The following PCDH15 variants were observed in gnomAD, a reference collection of about 807,000 sequenced individuals.
PCDH15 encodes the protein protocadherin-15.
A neutral mutation model predicts 178.5 loss-of-function variants in PCDH15; 129 were observed. That is an observed-to-expected ratio of 0.72 (90% CI 0.63 to 0.84). The LOEUF is 0.84. Ranked by LOEUF, PCDH15 falls within the 40% of genes least tolerant of loss-of-function variation. The probability of loss-of-function intolerance (pLI) is 0.00; values close to 1 mark genes in which losing one functional copy is unlikely to be tolerated. For synonymous variants in PCDH15, 800 were observed against 732.0 expected, an observed-to-expected ratio of 1.09 and a Z score of -1.50; for missense variants, 2,230 against 2,099.9, an observed-to-expected ratio of 1.06 and a Z score of -1.21.
At chr10:54,782,452 C>CAGATGTGT (rs1950461782) in intron 1 of PCDH15, among the ~76,000 whole-genome samples, 5 of 152,122 alleles carry the variant, frequency 3.3e-5, no homozygotes, top group African/African-American at 1.2e-4. Context: ...GAGTATTGCT[C>CAGATGTGT]CAATTTTATG....
intron 2 of PCDH15, among the ~76,000 whole-genome samples, chr10:55,579,133 T>C (rs560646615): frequency 8.5e-5 from 13 of 152,308 alleles, no homozygotes; most frequent in African/African-American, 2.6e-4. Context: ...ATTTTTTATA[T>C]AGCATATGTG....
At chr10:55,265,834 A>G (rs935950133) in intron 1 of PCDH15, among the ~76,000 whole-genome samples, 2 of 152,134 alleles carry the variant, frequency 1.3e-5, no homozygotes, top group Non-Finnish European at 1.5e-5. Context: ...CCCTCATATC[A>G]GGAGGAAGTT....
rs117260557 is a variant in PCDH15, at chr10:55,163,196, T to C, written c.-80+3380A>G. 2.3e-3 allele frequency among the ~76,000 whole-genome samples: 354 copies of C among 152,230 alleles called. 4 individuals carry two copies. The East Asian group carries it at 0.047, about 20-fold the overall frequency. On this transcript the variant is annotated intron_variant, in intron 2 of 5. Transcript: ENST00000458638. ...GCTGATCTGAGTAGTAATAAAACTT[T>C]AGTCTCTCGTTTAGCCAGCTCTACA... is the stretch of plus-strand genomic sequence containing the variant.
At position 55,313,833 on chromosome 10, in the gene PCDH15, T is replaced by C. The variant is rs140900857; in HGVS notation, c.-156+5766A>G. ...ATTATGTTGAAAAACATGTTACATA[T>C]ATTGTGAGTAAAACAAAATGTGTAT... On this transcript the variant is annotated intron_variant, in intron 1 of 5. Transcript: ENST00000458638. Among the ~76,000 whole-genome samples, 1,076 of 152,244 alleles carry C rather than the reference T, an allele frequency of 7.1e-3. 11 individuals are homozygous for C. The highest frequency in any genetic ancestry group is 0.045 in the Middle Eastern group (13 of 292).
intron 2 of PCDH15, among the ~76,000 whole-genome samples, chr10:55,519,469 G>A (rs1841104509): frequency 6.6e-6 from 1 of 151,988 alleles, no homozygotes; most frequent in African/African-American, 2.4e-5. Flanking sequence ...CACGACCCCT[G>A]TGGTGATGGA....
At chr10:53,813,972 A>G (rs1210499994) in intron 35 of PCDH15, among the ~76,000 whole-genome samples, 1 of 152,138 alleles carries the variant, frequency 6.6e-6, no homozygotes, top group African/African-American at 2.4e-5. Flanking sequence ...CAACAAAAAT[A>G]TATTTATTAT....
At chr10:54,816,955 A>G (rs948912558) in intron 3 of PCDH15, among the ~76,000 whole-genome samples, 20 of 152,138 alleles carry the variant, frequency 1.3e-4, no homozygotes, top group South Asian at 6.2e-4. Flanking sequence ...TTATCTTAAG[A>G]AAGATAAGTG....
chr10:54,058,686 C>G (rs1036439091), intron 18 of PCDH15, among the ~76,000 whole-genome samples: 3 of 90,380 alleles, frequency 3.3e-5, no homozygotes, highest in Non-Finnish European at 6.6e-5. Flanking sequence ...ATATTTCTTT[C>G]TTTCTTTCTT....
chr10:55,413,618 C>T (rs11597324), intron 2 of PCDH15, among the ~76,000 whole-genome samples: 159 of 151,392 alleles, frequency 1.1e-3, no homozygotes, highest in Non-Finnish European at 1.8e-3. Context: ...TTCAAATAAA[C>T]GATACATTTT....
intron 9 of PCDH15, among the ~76,000 whole-genome samples, chr10:54,221,366 G>GA (rs1564716957): frequency 6.6e-6 from 1 of 151,930 alleles, no homozygotes; most frequent in Non-Finnish European, 1.5e-5. Context: ...GTAGGATAAA[G>GA]AAAAAATGCT....
At chr10:55,255,567 C>A (rs1215460833) in intron 1 of PCDH15, among the ~76,000 whole-genome samples, 17 of 152,244 alleles carry the variant, frequency 1.1e-4, no homozygotes, top group South Asian at 4.1e-4. Flanking sequence ...ACACTCCCAC[C>A]AACAGTGTAA....
intron 1 of PCDH15, among the ~76,000 whole-genome samples, chr10:54,787,515 T>A (rs1481288074): frequency 6.6e-6 from 1 of 151,990 alleles, no homozygotes; most frequent in South Asian, 2.1e-4. Context: ...CTTCAGTTAC[T>A]CTTAAGTATT....
At chr10:55,544,738 AT>A (rs1445886149) in intron 2 of PCDH15, among the ~76,000 whole-genome samples, 1 of 152,096 alleles carries the variant, frequency 6.6e-6, no homozygotes, top group Non-Finnish European at 1.5e-5. Context: ...AATCTGGTGT[AT>A]TTTTTGTCAT....
At chr10:53,921,695 G>A (rs981361602) in intron 25 of PCDH15, among the ~76,000 whole-genome samples, 1 of 152,138 alleles carries the variant, frequency 6.6e-6, no homozygotes, top group African/African-American at 2.4e-5. Context: ...GATTGCTGAA[G>A]CCTCTCCATG....
At position 55,242,996 on chromosome 10, in the gene PCDH15, A is replaced by AT. The variant is rs1841593219; in HGVS notation, c.-155-76346dup. ...ACATTTGGAATAAGTTTTAACAGAT[A>AT]TTTTTTCTAGAGGAAATGGAATAGA... On this transcript the variant is annotated intron_variant, in intron 1 of 5. Coordinates refer to the PCDH15 transcript ENST00000458638. Among the ~76,000 whole-genome samples the AT allele has an allele frequency of 2.6e-5, 4 of 152,318 alleles. No homozygotes were observed. The South Asian group carries it at 8.3e-4, about 32-fold the overall frequency.
intron 2 of PCDH15, among the ~76,000 whole-genome samples, chr10:55,621,595 G>A (rs1348578218): frequency 6.6e-6 from 1 of 152,170 alleles, no homozygotes; most frequent in African/African-American, 2.4e-5. Context: ...AGCTGCGCAT[G>A]TGAGGGATAT....
chr10:54,552,389 G>A (rs572044443), intron 2 of PCDH15, among the ~76,000 whole-genome samples: 119 of 152,234 alleles, frequency 7.8e-4, no homozygotes, highest in African/African-American at 2.7e-3. Context: ...GATAGTATGA[G>A]AATTAAGCCT....
At chr10:53,983,601 G>A (rs2135723) in intron 21 of PCDH15, among the ~76,000 whole-genome samples, 113,321 of 152,054 alleles carry the variant, frequency 0.75, 42,766 homozygotes, top group African/African-American at 0.86. Context: ...ACTTGCTTTA[G>A]GGCTATTTAC....
intron 2 of PCDH15, among the ~76,000 whole-genome samples, chr10:55,427,529 C>T (rs1174067901): frequency 6.6e-6 from 1 of 152,084 alleles, no homozygotes; most frequent in Non-Finnish European, 1.5e-5. Context: ...ATGACACTAA[C>T]GAAGAGCAGC....
Sources: allele counts gnomAD v4.1 joint callset (sites outside exome capture counted in the v4.1 genomes callset), GRCh38; gene constraint gnomAD v4.1.1; transcripts MANE v1.5; gene names NCBI Gene and HGNC (gene_info 2026-07-23, HGNC 2026-07-21).